The following DSP variants were observed in gnomAD, a reference collection of about 807,000 sequenced individuals.
DSP encodes the protein 250/210 kDa paraneoplastic pemphigus antigen.
DSP carries 114 observed loss-of-function variants against 290.6 expected under a neutral mutation model. That is an observed-to-expected ratio of 0.39 (90% CI 0.34 to 0.46). The LOEUF is 0.46. Among genes scored for constraint, DSP ranks in the 20% least tolerant of loss-of-function variants. The pLI, the probability that DSP is intolerant of heterozygous loss-of-function variation, is 0.99. For missense variants in DSP, 3,230 were observed against 3,495.8 expected (o/e 0.92, Z 1.92); for synonymous variants, 1,311 against 1,316.4 (o/e 1.00, Z 0.09).
In DSP at chr6:7,581,403, G is replaced by T; in HGVS notation, c.5213G>T (p.Arg1738Leu). The T allele has an allele frequency of 6.2e-7, 1 of 1,613,640 alleles. No individual in the cohort carries two copies. The highest frequency in any genetic ancestry group is 8.5e-7 in the Non-Finnish European group (1 of 1,179,910). ...RLEYDDLRRG[R>L]SEADSDKNAT... ...GAGTACGATGACCTGAGGAGAGGAC[G>T]AAGCGAAGCGGACAGTGATAAAAAT... is the stretch of plus-strand genomic sequence containing the variant. The change falls in exon 23 of 24, where the codon CGA becomes CTA. Residue 1738 changes from arginine (R) to leucine (L), a missense_variant. Arg to Leu is a moderately radical substitution (Grantham distance 102). This residue lies in a region of DSP where 1,714 missense variants were observed against 1,844.5 expected (regional missense o/e 0.93). Coordinates refer to ENST00000379802, the MANE Select transcript of DSP (RefSeq NM_004415.4).
intron 2 of DSP, among the ~76,000 whole-genome samples, chr6:7,556,662 C>T (rs1337484341): frequency 9.2e-5 from 14 of 152,166 alleles, no homozygotes; most frequent in Admixed American, 9.2e-4. Context: ...GTTTAGATAA[C>T]ATTTTAATAT....
At chr6:7,571,232 TAA>T in intron 13 of DSP, 149 bp from the exon 14 acceptor site, 1 of 798,212 alleles carries the variant, frequency 1.3e-6, no homozygotes, top group Non-Finnish European at 2.1e-6. Flanking sequence ...GAACAATGTC[TAA>T]AACCTAAAAG....
intron 10 of DSP, 117 bp from the exon 11 acceptor site, chr6:7,568,320 T>A: frequency 1.7e-6 from 2 of 1,164,636 alleles, no homozygotes; most frequent in Non-Finnish European, 2.5e-6. Context: ...TTTTTTACAA[T>A]TGATGCAACT....
At position 7,584,948 on chromosome 6, in the gene DSP, C is replaced by T; in HGVS notation, c.7686C>T (p.Ser2562=). ...LSLTQFADMI[S]LKNGVGTSSS... is the part of the protein sequence containing the mutation. ...TCACTCAATTTGCTGACATGATCTC[C>T]TTGAAAAATGGTGTCGGCACCAGCA... is the stretch of plus-strand genomic sequence containing the variant. Residue 2562 remains serine (S), a synonymous_variant, in exon 24 of 24, where the codon TCC becomes TCT. Transcript: ENST00000379802. This position sits in a 1 kb window ranked among gnomAD's most constrained non-coding sequence, Gnocchi z 6.4. 1.2e-6 allele frequency: 2 copies of T among 1,614,184 alleles called. No homozygotes were observed. The highest frequency in any genetic ancestry group is 1.7e-6 in the Non-Finnish European group (2 of 1,180,032).
In DSP at chr6:7,574,792, G is replaced by A. The variant is rs1201026777; in HGVS notation, c.2433G>A (p.Leu811=). Residue 811 remains leucine, a synonymous_variant, in exon 17 of 24, where the codon CTG becomes CTA. Transcript: ENST00000379802. The part of the protein sequence containing the change: ...LDKVEAYRCG[L]KKIKNDLNLK... ...AAGTGGAAGCTTACCGCTGTGGACT[G>A]AAGGTAACTTGAAAGCTTATAACAG... The A allele has an allele frequency of 6.2e-7, 1 of 1,614,184 alleles. No individual in the cohort carries two copies. Among genetic ancestry groups the A allele is most frequent in the Admixed American group, 1.7e-5 (1 of 60,016 alleles).
At chr6:7,551,479 A>G (rs891874873) in intron 1 of DSP, among the ~76,000 whole-genome samples, 2 of 152,128 alleles carry the variant, frequency 1.3e-5, no homozygotes, top group Non-Finnish European at 2.9e-5. Flanking sequence ...AAATACAAAA[A>G]TTAGCTTTGC....
In DSP at chr6:7,565,118, A is replaced by G. The variant is rs1758818807; in HGVS notation, c.778-241A>G. ...GAGATCGCTCATGCCACTGCACTCCAGCCTGGGAGACGAGAGCGACAGTCC... is the reference window on the plus strand; with the variant it reads ...GAGATCGCTCATGCCACTGCACTCCGGCCTGGGAGACGAGAGCGACAGTCC... On this transcript the variant is annotated intron_variant, in intron 6 of 23. Transcript: ENST00000379802. The surrounding 1 kb of genome is among the most constrained non-coding windows in gnomAD (Gnocchi z 4.2). Among the ~76,000 whole-genome samples the G allele has an allele frequency of 6.6e-6, 1 of 152,106 alleles. No individual in the cohort carries two copies. The highest frequency in any genetic ancestry group is 1.5e-5 in the Non-Finnish European group (1 of 68,022).
At chr6:7,561,811 T>C (rs73375328) in intron 4 of DSP, among the ~76,000 whole-genome samples, 1 of 152,266 alleles carries the variant, frequency 6.6e-6, no homozygotes, top group African/African-American at 2.4e-5. Flanking sequence ...CAATCCCAGA[T>C]TGGAATGTTT....
At chr6:7,573,892 G>A (rs780067001) in intron 15 of DSP, among the ~76,000 whole-genome samples, 194 bp from the exon 16 acceptor site, 2 of 152,108 alleles carry the variant, frequency 1.3e-5, no homozygotes, top group Non-Finnish European at 2.9e-5. Context: ...TTTGCTGAGA[G>A]TAGATTTTAG....
Position 7,571,888 on chromosome 6 carries a change from C to T in DSP, c.1950C>T (p.Asn650=). ...ATCATGGAACCTGCCAAGATGTCAA[C>T]CATAATAAAGTAATTGAAACCAACA... ...ITHHGTCQDV[N]HNKVIETNRE... The change falls in exon 15 of 24, where the codon AAC becomes AAT. Residue 650 remains asparagine, a synonymous_variant. Transcript: ENST00000379802. The T allele has an allele frequency of 6.2e-7, 1 of 1,613,924 alleles. No homozygotes were observed. The highest frequency in any genetic ancestry group is 8.5e-7 in the Non-Finnish European group (1 of 1,180,030).
At chr6:7,547,247 T>G (rs1412694012) in intron 1 of DSP, among the ~76,000 whole-genome samples, 2 of 152,104 alleles carry the variant, frequency 1.3e-5, no homozygotes, top group East Asian at 3.9e-4. Flanking sequence ...AGACATGAGC[T>G]GCTCATTTGA....
chr6:7,557,313 T>C (rs565226469), intron 2 of DSP, among the ~76,000 whole-genome samples: 103 of 152,362 alleles, frequency 6.8e-4, no homozygotes, highest in Non-Finnish European at 1.1e-3. Context: ...TCTTATATGA[T>C]TATAGCGCAT....
chr6:7,561,406 G>A (rs746142992), intron 4 of DSP, among the ~76,000 whole-genome samples: 1 of 152,160 alleles, frequency 6.6e-6, no homozygotes, highest in East Asian at 1.9e-4. Context: ...CTTATCGCTT[G>A]TTCCCCTGCA....
chr6:7,573,887 TGA>T (rs1759141943), intron 15 of DSP, among the ~76,000 whole-genome samples, 197 bp from the exon 16 acceptor site: 1 of 152,182 alleles, frequency 6.6e-6, no homozygotes, highest in African/African-American at 2.4e-5. Context: ...GAAATTTTGC[TGA>T]GAGTAGATTT....
In DSP at chr6:7,565,704, A is replaced by G; in HGVS notation, c.939+184A>G. On this transcript the variant is annotated intron_variant, in intron 7 of 23. Coordinates refer to ENST00000379802, the MANE Select transcript of DSP (RefSeq NM_004415.4). This position sits in a 1 kb window ranked among gnomAD's most constrained non-coding sequence, Gnocchi z 4.2. ...TCTCCGTGTGGAGGCCATTATCCTT[A>G]GCAAACTTATGCGGGAACAGAAAAC... The G allele has an allele frequency of 1.4e-6, 1 of 729,204 alleles. No individual in the cohort carries two copies. Among genetic ancestry groups the G allele is most frequent in the Non-Finnish European group, 2.2e-6 (1 of 446,014 alleles). The allele number at this position is 729,204 out of a possible 1,614,324, so 45.2% of individuals were successfully genotyped here.
At position 7,555,748 on chromosome 6, in the gene DSP, C is replaced by A. The variant is rs774432635; in HGVS notation, c.201C>A (p.Asn67Lys). 6.2e-7 allele frequency: 1 copy of A among 1,614,148 alleles called. No individual in the cohort carries two copies. Among genetic ancestry groups the A allele is most frequent in the African/African-American group, 1.3e-5 (1 of 74,962 alleles). Reference sequence around the variant, plus strand: ...CCGGCACGATGTCCAGGCACCAGAACCAGAACACCATCCAGGAGCTGCTGC... The same window carrying A: ...CCGGCACGATGTCCAGGCACCAGAAACAGAACACCATCCAGGAGCTGCTGC... ...CQTGTMSRHQ[N>K]QNTIQELLQN... Residue 67 changes from asparagine (N) to lysine (K), a missense_variant, in exon 2 of 24, where the codon AAC becomes AAA. Transcript: ENST00000379802.
At position 7,575,412 on chromosome 6, in the gene DSP, G is replaced by C; in HGVS notation, c.2554G>C (p.Asp852His). 1 of 1,614,086 alleles carries C rather than the reference G, an allele frequency of 6.2e-7. No individual in the cohort carries two copies. The highest frequency in any genetic ancestry group is 8.5e-7 in the Non-Finnish European group (1 of 1,180,010). Residue 852 changes from aspartate (D) to histidine (H), a missense_variant, in exon 18 of 24, where the codon GAC (aspartate) becomes CAC (histidine). Asp to His is a moderately conservative substitution (Grantham distance 81, BLOSUM62 -1). Transcript: ENST00000379802. ...TSQQYPLYDLDLGKFGEKVTQ... is the reference protein window; with the variant it reads ...TSQQYPLYDLHLGKFGEKVTQ... The stretch of plus-strand genomic sequence containing the variant: ...ACAGCAGTATCCACTTTATGATCTG[G>C]ACTTGGGCAAGTTCGGTGAAAAAGT...
intron 11 of DSP, among the ~76,000 whole-genome samples, chr6:7,568,805 T>C (rs1480727997): frequency 6.6e-6 from 1 of 152,240 alleles, no homozygotes; most frequent in East Asian, 1.9e-4. Context: ...TTAGAACTTT[T>C]AAAAATTCGC....
At position 7,582,668 on chromosome 6, in the gene DSP, G is replaced by A. The variant is rs758201425; in HGVS notation, c.5406G>A (p.Lys1802=). ...CATCTAATAGGATTCAGGAATCAAA[G>A]AATCAGTGTACTCAGGTGGTACAGG... is the stretch of plus-strand genomic sequence containing the variant. ...LEASNRIQES[K]NQCTQVVQER... The change falls in exon 24 of 24, where the codon AAG becomes AAA. Residue 1802 remains lysine, a synonymous_variant. Coordinates refer to ENST00000379802, the MANE Select transcript of DSP (RefSeq NM_004415.4). This position sits in a 1 kb window ranked among gnomAD's most constrained non-coding sequence, Gnocchi z 4.2. 6.2e-7 allele frequency: 1 copy of A among 1,613,718 alleles called. No individual in the cohort carries two copies. The highest frequency in any genetic ancestry group is 8.5e-7 in the Non-Finnish European group (1 of 1,179,974).
Sources: gnomAD v4.1 joint callset for allele counts (sites outside exome capture counted in the v4.1 genomes callset) on GRCh38, gnomAD v4.1.1 for gene constraint, gnomAD v4.1.1 regional missense constraint, Gnocchi (gnomAD v3.1) non-coding constraint, MANE v1.5 for transcripts, NCBI Gene and HGNC (gene_info 2026-07-23, HGNC 2026-07-21) for gene names.